Variants in AADAT observed in about 807,000 individuals in gnomAD.
AADAT encodes kynurenine/alpha-aminoadipate aminotransferase, mitochondrial.
AADAT carries 25 observed loss-of-function variants against 56.2 expected under a neutral mutation model. The observed-to-expected ratio is 0.44, with a 90% CI of 0.32 to 0.62. The LOEUF is 0.62. Among genes scored for constraint, AADAT ranks in the 20% least tolerant of loss-of-function variants. The pLI, the probability that AADAT is intolerant of heterozygous loss-of-function variation, is 0.04. For missense variants in AADAT, 387 were observed against 510.5 expected (o/e 0.76, Z 2.33); for synonymous variants, 173 against 164.7 (o/e 1.05, Z -0.39).
intron 3 of AADAT, among the ~76,000 whole-genome samples, chr4:170,082,141 T>G (rs1407128650): frequency 6.6e-6 from 1 of 152,218 alleles, no homozygotes; most frequent in Non-Finnish European, 1.5e-5. Flanking sequence ...AATTATGGTG[T>G]GCAATCCACT....
At chr4:170,090,281 T>G (rs1446756618), upstream of AADAT, 1 of 152,064 alleles carries the variant, frequency 6.6e-6, no homozygotes, top group Non-Finnish European at 1.5e-5. Flanking sequence ...GGCGGCGACT[T>G]GGGTCCACTG....
chr4:170,061,346 G>A (rs986177635), intron 12 of AADAT, among the ~76,000 whole-genome samples: 3 of 152,132 alleles, frequency 2.0e-5, no homozygotes, highest in Admixed American at 6.6e-5. Flanking sequence ...CACATTTAAT[G>A]ACATGAGAAA....
At chr4:170,093,689 G>T (rs756975450), upstream of AADAT, among the ~76,000 whole-genome samples, 2 of 152,038 alleles carry the variant, frequency 1.3e-5, no homozygotes, top group African/African-American at 2.4e-5. Context: ...TCGTCTTCCC[G>T]GGCTCAAGCA....
rs201503489 is a variant in AADAT at position 170,074,748 on chromosome 4, AG to A, written c.445-1404del. On this transcript the variant is annotated intron_variant, in intron 4 of 12. Transcript: ENST00000337664. ...CACTGAATGGGATGAGCAGATCACCAGGCAGTACAGTAGAATTTCCATATTT... is the reference window on the plus strand; with the variant it reads ...CACTGAATGGGATGAGCAGATCACCAGCAGTACAGTAGAATTTCCATATTT... 8.6e-3 allele frequency among the ~76,000 whole-genome samples: 1,303 copies of A among 152,232 alleles called. 16 individuals are homozygous for A. The highest frequency in any genetic ancestry group is 0.03 in the African/African-American group (1,229 of 41,518).
chr4:170,080,935 C>T (rs932140979), intron 3 of AADAT, among the ~76,000 whole-genome samples: 1 of 152,132 alleles, frequency 6.6e-6, no homozygotes, highest in African/African-American at 2.4e-5. Context: ...ACCATGACCT[C>T]CCCAAAATGA....
chr4:170,070,788 G>T (rs1027742423), intron 5 of AADAT, 136 bp from the exon 6 acceptor site: 5 of 604,100 alleles, frequency 8.3e-6, no homozygotes, highest in African/African-American at 7.6e-5. Context: ...CTTAGACAAC[G>T]AGGATAAAAA....
At chr4:170,088,317 T>A in intron 2 of AADAT, 79 bp downstream of exon 2, 1 of 1,356,822 alleles carries the variant, frequency 7.4e-7, no homozygotes, top group South Asian at 1.6e-5. Context: ...AATATTTCTT[T>A]AATATTCTTT....
At chr4:170,072,506 T>C (rs1309271172) in intron 5 of AADAT, among the ~76,000 whole-genome samples, 1 of 152,160 alleles carries the variant, frequency 6.6e-6, no homozygotes, top group Non-Finnish European at 1.5e-5. Flanking sequence ...ATGATTCCAC[T>C]GGATGTGACT....
rs540236903 is a variant in AADAT at position 170,084,371 on chromosome 4, T to C, written c.369+2745A>G. Among the ~76,000 whole-genome samples the C allele has an allele frequency of 2.0e-5, 3 of 152,316 alleles. No individual in the cohort carries two copies. The East Asian group carries it at 5.8e-4, about 29-fold the overall frequency. ...GGCAACAGAAAAAATTAAAAATTAA[T>C]TTTTTAAAATAAAATGGATGGGGAG... On this transcript the variant is annotated intron_variant, in intron 3 of 12. Coordinates refer to ENST00000337664, the MANE Select transcript of AADAT (RefSeq NM_016228.4).
intron 9 of AADAT, 72 bp downstream of exon 9, chr4:170,067,255 C>T (rs1731511929): frequency 1.8e-6 from 2 of 1,104,490 alleles, no homozygotes; most frequent in African/African-American, 3.2e-5. Flanking sequence ...TAAATCAATA[C>T]TGTAGGTGAT....
At chr4:170,089,404 A>C in intron 1 of AADAT, 1 of 604,602 alleles carries the variant, frequency 1.7e-6, no homozygotes, top group South Asian at 1.9e-5. Context: ...TGTTGCTCCT[A>C]CTCTGCTCCA....
chr4:170,086,178 C>G (rs963267541), intron 3 of AADAT, among the ~76,000 whole-genome samples: 1 of 151,232 alleles, frequency 6.6e-6, no homozygotes, highest in Non-Finnish European at 1.5e-5. Flanking sequence ...CCAGGGAGGT[C>G]GAGACTGCAG....
intron 1 of AADAT, chr4:170,089,243 C>A: frequency 2.3e-6 from 1 of 441,292 alleles, no homozygotes; most frequent in Non-Finnish European, 4.3e-6. Context: ...CTTCATGGCC[C>A]ACCCCTCTCC....
At position 170,065,299 on chromosome 4, in the gene AADAT, G is replaced by T. The variant is rs930247488; in HGVS notation, c.1028-474C>A. On this transcript the variant is annotated intron_variant, in intron 10 of 12. Coordinates refer to ENST00000337664, the MANE Select transcript of AADAT (RefSeq NM_016228.4). ...ATCAGAATGTAATTAATTATGAAAA[G>T]AAATACTTAAAATTCAAGAATTCCA... is the stretch of plus-strand genomic sequence containing the variant. Among the ~76,000 whole-genome samples, 13 of 152,154 alleles carry T rather than the reference G, an allele frequency of 8.5e-5. No homozygotes were observed. The South Asian group carries it at 1.0e-3, about 12-fold the overall frequency.
At chr4:170,082,099 A>G (rs967655795) in intron 3 of AADAT, among the ~76,000 whole-genome samples, 1 of 152,242 alleles carries the variant, frequency 6.6e-6, no homozygotes, top group Non-Finnish European at 1.5e-5. Context: ...AAAATTAAGT[A>G]CATGGACAAA....
chr4:170,065,476 A>G (rs1731408988), intron 10 of AADAT, among the ~76,000 whole-genome samples: 1 of 152,118 alleles, frequency 6.6e-6, no homozygotes, highest in Non-Finnish European at 1.5e-5. Flanking sequence ...CAAAGTGGTA[A>G]AATAATGCTA....
upstream of AADAT, among the ~76,000 whole-genome samples, chr4:170,092,736 A>G (rs2111229708): frequency 6.6e-6 from 1 of 152,344 alleles, no homozygotes. Flanking sequence ...AGGCATGTTG[A>G]CAGGAATAAA....
At chr4:170,070,991 C>A (rs1229178425) in intron 5 of AADAT, among the ~76,000 whole-genome samples, 1 of 152,214 alleles carries the variant, frequency 6.6e-6, no homozygotes, top group Non-Finnish European at 1.5e-5. Flanking sequence ...TGGCTCACTG[C>A]AACCTCTGCC....
At chr4:170,078,652 C>T (rs1732154945) in intron 3 of AADAT, 69 bp from the exon 4 acceptor site, 2 of 1,111,068 alleles carry the variant, frequency 1.8e-6, no homozygotes, top group East Asian at 2.6e-5. Context: ...CTCAGAAGCC[C>T]ATTTTTTAGT....
Sources: allele counts gnomAD v4.1 joint callset (sites outside exome capture counted in the v4.1 genomes callset), GRCh38; gene constraint gnomAD v4.1.1; transcripts MANE v1.5; gene names NCBI Gene and HGNC (gene_info 2026-07-23, HGNC 2026-07-21).